SLC19A1: variants seen among roughly 807,000 people sequenced by gnomAD.
SLC19A1 encodes the protein solute carrier family 19 member 1, also known as reduced folate transporter.
SLC19A1 carries 37 observed loss-of-function variants against 35.3 expected under a neutral mutation model. The ratio of observed to expected loss-of-function variants is 1.05; its 90% CI spans 0.81 to 1.38. SLC19A1 has a LOEUF of 1.38. SLC19A1 is among the 40% of genes most tolerant of loss of function. The probability of loss-of-function intolerance (pLI) is 0.00; values close to 1 mark genes in which losing one functional copy is unlikely to be tolerated. For synonymous variants in SLC19A1, 460 were observed against 398.5 expected (o/e 1.15, Z -1.84); for missense variants, 831 against 826.9 (o/e 1.00, Z -0.06).
chr21:45,519,731 C>G (rs768108211), intron 5 of SLC19A1, among the ~76,000 whole-genome samples: 11 of 152,062 alleles, frequency 7.2e-5, no homozygotes, highest in Non-Finnish European at 1.0e-4. Flanking sequence ...ATATGTGAAG[C>G]AAAAACACAA....
At chr21:45,509,665 G>A (rs2037455950), downstream of SLC19A1, 2 of 912,168 alleles carry the variant, frequency 2.2e-6, no homozygotes, top group East Asian at 2.6e-5. Flanking sequence ...AGCAGAAGAG[G>A]GCCCAGCCCC....
intron 3 of SLC19A1, chr21:45,506,335 A>G (rs1176881924): frequency 2.8e-6 from 1 of 360,674 alleles, no homozygotes; most frequent in Non-Finnish European, 5.4e-6. Context: ...CGTGACGTCC[A>G]CAGCACGGCC....
chr21:45,529,120 C>T (rs1044036849), intron 4 of SLC19A1, among the ~76,000 whole-genome samples: 2 of 152,130 alleles, frequency 1.3e-5, no homozygotes, highest in Non-Finnish European at 2.9e-5. Flanking sequence ...GTGTGGGCCT[C>T]GGGGAGCCTG....
At chr21:45,560,732 G>A (rs1464565999) in intron 1 of SLC19A1, among the ~76,000 whole-genome samples, 1 of 152,238 alleles carries the variant, frequency 6.6e-6, no homozygotes, top group Non-Finnish European at 1.5e-5. Flanking sequence ...GACAACAGTG[G>A]CCAAGTGCCA....
At position 45,533,785 on chromosome 21, in the gene SLC19A1, C is replaced by T. The variant is rs770853522; in HGVS notation, c.190-1637G>A. ...TGGGTCAGCACGTGGGGTGCTGCGC[C>T]GAGCCACGCCGCCTCCCCGGGGGCT... is the stretch of plus-strand genomic sequence containing the variant. On this transcript the variant is annotated intron_variant, in intron 2 of 5. Transcript: ENST00000311124. This position sits in a 1 kb window ranked among gnomAD's most constrained non-coding sequence, Gnocchi z 4.5. Among the ~76,000 whole-genome samples the T allele has an allele frequency of 3.2e-4, 49 of 152,292 alleles. No homozygotes were observed. Among genetic ancestry groups the T allele is most frequent in the Middle Eastern group, 3.4e-3 (1 of 294 alleles).
At chr21:45,539,262 C>A (rs1449109827) in intron 1 of SLC19A1, among the ~76,000 whole-genome samples, 1 of 152,228 alleles carries the variant, frequency 6.6e-6, no homozygotes, top group African/African-American at 2.4e-5. Flanking sequence ...GACCTCTGCT[C>A]CCGGAGGCCA....
chr21:45,550,650 C>T (rs927152694), intron 1 of SLC19A1, among the ~76,000 whole-genome samples: 1 of 152,326 alleles, frequency 6.6e-6, no homozygotes, highest in South Asian at 2.1e-4. Flanking sequence ...TTGCAGGCCC[C>T]GGGCTTCCGT....
downstream of SLC19A1, chr21:45,511,094 C>CAA (rs777141054): frequency 7.0e-7 from 1 of 1,429,290 alleles, no homozygotes; most frequent in South Asian, 1.2e-5. Flanking sequence ...CACACATACA[C>CAA]ACGGTTTCTC....
At chr21:45,503,714 C>T (rs1283771877) in intron 3 of SLC19A1, among the ~76,000 whole-genome samples, 4 of 151,252 alleles carry the variant, frequency 2.6e-5, no homozygotes, top group African/African-American at 7.3e-5. Flanking sequence ...TGCAGCACAC[C>T]AGCATGGCAC....
chr21:45,521,177 G>GTT (rs2077428685), intron 5 of SLC19A1, among the ~76,000 whole-genome samples: 1 of 152,216 alleles, frequency 6.6e-6, no homozygotes, highest in South Asian at 2.1e-4. Flanking sequence ...CAGACTTCAA[G>GTT]CCTCCGGAAC....
At position 45,531,870 on chromosome 21, in the gene SLC19A1, C is replaced by T. The variant is rs544971901; in HGVS notation, c.468G>A (p.Ser156=). The T allele has an allele frequency of 1.3e-6, 2 of 1,585,526 alleles. No homozygotes were observed. The highest frequency in any genetic ancestry group is 1.7e-6 in the Non-Finnish European group (2 of 1,166,670). ...PARYQRVAGY[S]RAAVLLGVFT... The stretch of plus-strand genomic sequence containing the variant: ...ACACGCCCAGCAGCACCGCAGCGCG[C>T]GAGTAGCCGGCCACACGCTGGTAGC... The change falls in exon 3 of 6, where the codon TCG becomes TCA. Residue 156 remains serine (S), a synonymous_variant. Coordinates refer to ENST00000311124, the MANE Select transcript of SLC19A1 (RefSeq NM_194255.4).
At position 45,536,983 on chromosome 21, in the gene SLC19A1, G is replaced by A. The variant is rs922625906; in HGVS notation, c.189+788C>T. Among the ~76,000 whole-genome samples the A allele has an allele frequency of 5.3e-5, 8 of 152,236 alleles. No individual in the cohort carries two copies. The East Asian group carries it at 1.2e-3, about 22-fold the overall frequency. ...ACCGCTCATGTGACCTGAGAGACCC[G>A]TGACTGGGCATAAGCCTATTAGAAC... On this transcript the variant is annotated intron_variant, in intron 2 of 5. Coordinates refer to ENST00000311124, the MANE Select transcript of SLC19A1 (RefSeq NM_194255.4).
chr21:45,560,897 C>T (rs1048500606), intron 1 of SLC19A1, among the ~76,000 whole-genome samples: 6 of 152,250 alleles, frequency 3.9e-5, no homozygotes, highest in East Asian at 1.9e-4. Context: ...GATAAAGAGG[C>T]GCTCTCACGG....
upstream of SLC19A1, among the ~76,000 whole-genome samples, chr21:45,542,661 T>C (rs1241727399): frequency 8.3e-6 from 1 of 120,142 alleles, no homozygotes; most frequent in African/African-American, 3.2e-5. Flanking sequence ...GCCCTACCCC[T>C]GGGGCCGCCC....
At chr21:45,544,540 A>C (rs2078393137), upstream of SLC19A1, 1 of 153,684 alleles carries the variant, frequency 6.5e-6, no homozygotes, top group South Asian at 2.1e-4. Context: ...ACGAGCCTCC[A>C]GCGGTCCCCG....
At chr21:45,510,951 A>ACAC (rs373483892), downstream of SLC19A1, among the ~76,000 whole-genome samples, 3 of 98,864 alleles carry the variant, frequency 3.0e-5, no homozygotes, top group African/African-American at 8.5e-5. Context: ...ACACACCCAC[A>ACAC]ACACCCCACA....
upstream of SLC19A1, among the ~76,000 whole-genome samples, chr21:45,546,462 C>T (rs1359567145): frequency 2.0e-5 from 3 of 152,208 alleles, no homozygotes; most frequent in Non-Finnish European, 4.4e-5. Flanking sequence ...ACTGGGGCCC[C>T]GGACAGCGGC....
intron 3 of SLC19A1, chr21:45,504,302 C>CAGGCCTGGGCTCCGGAAGCTTCT (rs2037049597): frequency 9.0e-7 from 1 of 1,115,512 alleles, no homozygotes; most frequent in Non-Finnish European, 1.3e-6. Context: ...CAGCAGCTCC[C>CAGGCCTGGGCTCCGGAAGCTTCT]AGGCCTGGGC....
At chr21:45,522,388 G>T (rs1396394803) in intron 5 of SLC19A1, among the ~76,000 whole-genome samples, 1 of 152,174 alleles carries the variant, frequency 6.6e-6, no homozygotes, top group Admixed American at 6.5e-5. Context: ...GTCTGCTGGT[G>T]GTGATATAAA....
Sources: allele counts gnomAD v4.1 joint callset (sites outside exome capture counted in the v4.1 genomes callset), GRCh38; gene constraint gnomAD v4.1.1; non-coding constraint Gnocchi (gnomAD v3.1); transcripts MANE v1.5; gene names NCBI Gene and HGNC (gene_info 2026-07-23, HGNC 2026-07-21).